ALDH8A1: variants seen among roughly 807,000 people sequenced by gnomAD.
The protein encoded by ALDH8A1 is aldehyde dehydrogenase 8 family member A1.
ALDH8A1 carries 39 observed loss-of-function variants against 43.3 expected under a neutral mutation model. The ratio of observed to expected loss-of-function variants is 0.90; its 90% CI spans 0.70 to 1.18. The LOEUF (loss-of-function observed/expected upper bound fraction) is 1.18, where lower values mean the gene tolerates loss of function less well. ALDH8A1 is among the 50% of genes most tolerant of loss of function. ALDH8A1 has a pLI of 0.00. For synonymous variants in ALDH8A1, 233 were observed against 243.5 expected (o/e 0.96, Z 0.40); for missense variants, 605 against 622.6 (o/e 0.97, Z 0.30).
intron 5 of ALDH8A1, among the ~76,000 whole-genome samples, chr6:134,932,502 C>A (rs2114691762): frequency 6.6e-6 from 1 of 152,258 alleles, no homozygotes; most frequent in East Asian, 1.9e-4. Context: ...ATGCTTGGAG[C>A]AGCAACATCA....
At position 134,917,766 on chromosome 6, in the gene ALDH8A1, A is replaced by C. The variant is rs911810499; in HGVS notation, c.*649T>G. On this transcript the variant is annotated 3_prime_UTR_variant, in exon 7 of 7. Transcript: ENST00000265605. Reference sequence around the variant, plus strand: ...TATGGCTATTTATTTTTGGTTTTGCAGCATTTTTTTTTTAAAGACAAGGTC... The same window carrying C: ...TATGGCTATTTATTTTTGGTTTTGCCGCATTTTTTTTTTAAAGACAAGGTC... 1 of 150,588 alleles carries C rather than the reference A, an allele frequency of 6.6e-6. No homozygotes were observed. The highest frequency in any genetic ancestry group is 2.5e-5 in the African/African-American group (1 of 40,020). The allele number at this position is 150,588 out of a possible 1,614,324, so 9.3% of individuals were successfully genotyped here.
Position 134,917,548 on chromosome 6 carries a change from T to C in ALDH8A1, c.*867A>G, listed in dbSNP as rs1393771598. The stretch of plus-strand genomic sequence containing the variant: ...TCTTGTTCCAAGTTTCCTCCAAAAG[T>C]AGTAGTTATTTTGTTTTTCTTCATC... On this transcript the variant is annotated 3_prime_UTR_variant, in exon 7 of 7. Transcript: ENST00000265605. 1.3e-5 allele frequency: 2 copies of C among 152,082 alleles called. No homozygotes were observed. Among genetic ancestry groups the C allele is most frequent in the Non-Finnish European group, 2.9e-5 (2 of 67,992 alleles). 9.4% of individuals were successfully genotyped at this position (152,082 alleles called of 1,614,324 possible). A position where few individuals can be genotyped will look rare whatever the true frequency, so the allele number is the denominator to read the frequency against.
chr6:134,943,947 G>A lies in ALDH8A1; in HGVS notation c.158C>T (p.Ala53Val). The A allele has an allele frequency of 6.2e-7, 1 of 1,614,084 alleles. No individual in the cohort carries two copies. The highest frequency in any genetic ancestry group is 8.5e-7 in the Non-Finnish European group (1 of 1,179,958). Reference sequence around the variant, plus strand: ...CCAGCTGGGAAAGGCTTCTCTGGCGGCCTTGACCGCGGCTTCGATCTTTGA... The same window carrying A: ...CCAGCTGGGAAAGGCTTCTCTGGCGACCTTGACCGCGGCTTCGATCTTTGA... ...GKDEIEAAVK[A>V]AREAFPSWSS... Residue 53 changes from alanine to valine, a missense_variant, in exon 2 of 7, where the codon GCC becomes GTC. Coordinates refer to ENST00000265605, the MANE Select transcript of ALDH8A1 (RefSeq NM_022568.4).
intron 1 of ALDH8A1, 130 bp downstream of exon 1, chr6:134,949,786 A>G (rs1485435591): frequency 9.3e-7 from 1 of 1,073,590 alleles, no homozygotes; most frequent in Admixed American, 3.0e-5. Flanking sequence ...TCTGAGAACT[A>G]GAATCTTCCT....
At chr6:134,926,671 T>C (rs1383942822) in intron 6 of ALDH8A1, among the ~76,000 whole-genome samples, 1 of 152,074 alleles carries the variant, frequency 6.6e-6, no homozygotes, top group Non-Finnish European at 1.5e-5. Flanking sequence ...TAACTGGGTG[T>C]GGTGGCACAC....
intron 6 of ALDH8A1, among the ~76,000 whole-genome samples, chr6:134,926,067 A>G (rs1776877411): frequency 6.6e-6 from 1 of 152,158 alleles, no homozygotes. Context: ...TTAGGCATGG[A>G]CTGTGAGTAA....
At chr6:134,929,339 A>G in intron 5 of ALDH8A1, 124 bp from the exon 6 acceptor site, 2 of 955,152 alleles carry the variant, frequency 2.1e-6, no homozygotes, top group Non-Finnish European at 3.0e-6. Flanking sequence ...AATGGTAAAT[A>G]AGACAAAGTT....
Position 134,920,155 on chromosome 6 carries a change from C to T in ALDH8A1, c.1012-1288G>A, listed in dbSNP as rs185346513. 5.8e-4 allele frequency among the ~76,000 whole-genome samples: 88 copies of T among 152,270 alleles called. 1 individual carries two copies. Among genetic ancestry groups the T allele is most frequent in the Non-Finnish European group, 1.0e-4 (7 of 68,032 alleles). On this transcript the variant is annotated intron_variant, in intron 6 of 6. Transcript: ENST00000265605. Reference sequence around the variant, plus strand: ...CTTCAACTCCTGGTCTCAAGGGATCCGCCCAAAGTGCTGGGATTACAGGAA... The same window carrying T: ...CTTCAACTCCTGGTCTCAAGGGATCTGCCCAAAGTGCTGGGATTACAGGAA...
rs768831731 is a variant in ALDH8A1, at chr6:134,939,288, C to T, written c.570G>A (p.Leu190=). The change falls in exon 4 of 7, where the codon TTG becomes TTA. Residue 190 remains leucine (L), a synonymous_variant. Coordinates refer to ENST00000265605, the MANE Select transcript of ALDH8A1 (RefSeq NM_022568.4). ...SELTSVTAWM[L]CKLLDKAGVP... ...TACCTGCTTTATCCAGGAGTTTGCA[C>T]AACATCCACGCAGTCACTGAAGTCA... 6.2e-7 allele frequency: 1 copy of T among 1,614,224 alleles called. No individual in the cohort carries two copies. Among genetic ancestry groups the T allele is most frequent in the Non-Finnish European group, 8.5e-7 (1 of 1,180,030 alleles).
chr6:134,931,521 C>T (rs968743437), intron 5 of ALDH8A1, among the ~76,000 whole-genome samples: 2 of 152,188 alleles, frequency 1.3e-5, no homozygotes, highest in African/African-American at 2.4e-5. Context: ...CCACCTCGGC[C>T]TCCCAAAGTG....
rs1401537965 is a variant in ALDH8A1 at position 134,917,544 on chromosome 6, A to C, written c.*871T>G. ...CTCTTCTTGTTCCAAGTTTCCTCCA[A>C]AAGTAGTAGTTATTTTGTTTTTCTT... On this transcript the variant is annotated 3_prime_UTR_variant, in exon 7 of 7. Transcript: ENST00000265605. 1 of 152,196 alleles carries C rather than the reference A, an allele frequency of 6.6e-6. No individual in the cohort carries two copies. The highest frequency in any genetic ancestry group is 1.5e-5 in the Non-Finnish European group (1 of 68,028). The allele number at this position is 152,196 out of a possible 1,614,324, so 9.4% of individuals were successfully genotyped here. A position where few individuals can be genotyped will look rare whatever the true frequency, so the allele number is the denominator to read the frequency against.
intron 5 of ALDH8A1, among the ~76,000 whole-genome samples, chr6:134,931,502 G>A (rs1473840901): frequency 6.6e-6 from 1 of 152,138 alleles, no homozygotes; most frequent in Non-Finnish European, 1.5e-5. Flanking sequence ...CTAACCTCAG[G>A]TGATCCACCC....
At chr6:134,924,738 GACA>G (rs1445679118) in intron 6 of ALDH8A1, among the ~76,000 whole-genome samples, 3 of 152,114 alleles carry the variant, frequency 2.0e-5, no homozygotes, top group Non-Finnish European at 4.4e-5. Flanking sequence ...GTCACTCACA[GACA>G]ACAATGTTCA....
chr6:134,932,802 T>C lies in ALDH8A1; in HGVS notation c.823A>G (p.Thr275Ala). The C allele has an allele frequency of 1.2e-6, 2 of 1,614,198 alleles. No homozygotes were observed. Among genetic ancestry groups the C allele is most frequent in the Non-Finnish European group, 8.5e-7 (1 of 1,180,022 alleles). ...DANLDECIPA[T>A]VRSSFANQGE... ...TGGTTGGCAAAGCTGGACCTGACGGTTGCCGGAATGCACTCATCCAGGTTG... is the reference window on the plus strand; with the variant it reads ...TGGTTGGCAAAGCTGGACCTGACGGCTGCCGGAATGCACTCATCCAGGTTG... The change falls in exon 5 of 7, where the codon ACC becomes GCC. Residue 275 changes from threonine (T) to alanine (A), a missense_variant. Thr to Ala is a moderately conservative substitution (Grantham distance 58). Coordinates refer to ENST00000265605, the MANE Select transcript of ALDH8A1 (RefSeq NM_022568.4).
intron 1 of ALDH8A1, among the ~76,000 whole-genome samples, chr6:134,946,709 C>CT (rs752456893): frequency 3.3e-5 from 5 of 152,334 alleles, no homozygotes; most frequent in Admixed American, 6.5e-5. Context: ...ACCAGGCAGT[C>CT]TGACTCTAGT....
intron 6 of ALDH8A1, among the ~76,000 whole-genome samples, chr6:134,927,033 C>T (rs1199214300): frequency 6.6e-6 from 1 of 152,122 alleles, no homozygotes; most frequent in African/African-American, 2.4e-5. Flanking sequence ...CAATTGAGAC[C>T]ACCTGAGGCT....
intron 4 of ALDH8A1, among the ~76,000 whole-genome samples, chr6:134,937,671 C>T (rs1305192191): frequency 6.6e-6 from 1 of 152,162 alleles, no homozygotes; most frequent in Non-Finnish European, 1.5e-5. Flanking sequence ...CCTCCAAATC[C>T]CAGTAGAGGG....
chr6:134,923,339 T>TAA (rs60780465), intron 6 of ALDH8A1, among the ~76,000 whole-genome samples: 3,878 of 148,206 alleles, frequency 0.026, 184 homozygotes, highest in African/African-American at 0.091. Context: ...GAAGGTTTAT[T>TAA]AAAAAAAAAA....
Position 134,939,316 on chromosome 6 carries a change from T to C in ALDH8A1, c.542A>G (p.Glu181Gly). Reference sequence around the variant, plus strand: ...CATCCACGCAGTCACTGAAGTCAGCTCACTGGGCTTGGCTATCACAGTGTT... The same window carrying C: ...CATCCACGCAGTCACTGAAGTCAGCCCACTGGGCTTGGCTATCACAGTGTT... The part of the protein sequence containing the change: ...AGNTVIAKPS[E>G]LTSVTAWMLC... The change falls in exon 4 of 7, where the codon GAG (glutamate) becomes GGG (glycine). Residue 181 changes from glutamate to glycine, a missense_variant. Physicochemically the swap from Glu to Gly is moderately conservative, Grantham distance 98. Transcript: ENST00000265605. 1 of 1,614,216 alleles carries C rather than the reference T, an allele frequency of 6.2e-7. No individual in the cohort carries two copies. The highest frequency in any genetic ancestry group is 8.5e-7 in the Non-Finnish European group (1 of 1,180,028).
Sources: gnomAD v4.1 joint callset for allele counts (sites outside exome capture counted in the v4.1 genomes callset) on GRCh38, gnomAD v4.1.1 for gene constraint, MANE v1.5 for transcripts, NCBI Gene and HGNC (gene_info 2026-07-23, HGNC 2026-07-21) for gene names.